Variants in SDK1 observed in about 807,000 individuals in gnomAD.
SDK1 encodes the protein sidekick cell adhesion molecule 1, also known as protein sidekick-1.
Under a neutral mutation model 245.5 loss-of-function variants are expected in SDK1, and 157 were observed. The observed-to-expected ratio is 0.64, with a 90% CI of 0.56 to 0.73. SDK1 has a LOEUF of 0.73. Ranked by LOEUF, SDK1 falls within the 30% of genes least tolerant of loss-of-function variation. The pLI, the probability that SDK1 is intolerant of heterozygous loss-of-function variation, is 0.00. For missense variants in SDK1, 3,583 were observed against 3,002.3 expected (o/e 1.19, Z -4.52); for synonymous variants, 1,647 against 1,278.5 (o/e 1.29, Z -6.15).
intron 1 of SDK1, among the ~76,000 whole-genome samples, chr7:3,505,552 A>G (rs1003610868): frequency 3.1e-4 from 47 of 152,148 alleles, no homozygotes; most frequent in African/African-American, 1.0e-3. Flanking sequence ...CACTTGGCTT[A>G]TTGTTTATCT....
chr7:3,592,105 A>G (rs542166013), intron 1 of SDK1, among the ~76,000 whole-genome samples: 2 of 152,312 alleles, frequency 1.3e-5, no homozygotes, highest in East Asian at 3.9e-4. Flanking sequence ...TGGAGGAAGT[A>G]TTTCAACCTG....
At chr7:3,317,614 C>T (rs1269822482) in intron 1 of SDK1, among the ~76,000 whole-genome samples, 1 of 152,088 alleles carries the variant, frequency 6.6e-6, no homozygotes, top group Admixed American at 6.5e-5. Flanking sequence ...TTTTTCCTTC[C>T]CTACCTGTAT....
intron 1 of SDK1, among the ~76,000 whole-genome samples, chr7:3,366,347 CCTTT>C (rs1286896269): frequency 6.6e-6 from 1 of 151,800 alleles, no homozygotes; most frequent in Non-Finnish European, 1.5e-5. Context: ...CTGGTCTCCT[CCTTT>C]CTTTTTTTTT....
intron 1 of SDK1, among the ~76,000 whole-genome samples, chr7:3,309,542 T>TTTTTTTTTTTA (rs1554256117): frequency 6.1e-5 from 9 of 148,656 alleles, no homozygotes; most frequent in Admixed American, 1.3e-4. Context: ...TTTTTTTTTT[T>TTTTTTTTTTTA]ACATGAGTGT....
intron 1 of SDK1, among the ~76,000 whole-genome samples, chr7:3,360,802 C>T (rs1018714914): frequency 3.6e-4 from 55 of 152,118 alleles, no homozygotes; most frequent in African/African-American, 1.3e-3. Context: ...GAAGACTCCA[C>T]TCTGTTATGT....
In SDK1 at chr7:3,967,565, A is replaced by C. The variant is rs983330151; in HGVS notation, c.1546+131A>C. 1.4e-5 allele frequency: 9 copies of C among 657,176 alleles called. No homozygotes were observed. In the African/African-American group the frequency reaches 1.6e-4, roughly 12 times the overall value. The allele number at this position is 657,176 out of a possible 1,614,324, so 40.7% of individuals were successfully genotyped here. A position where few individuals can be genotyped will look rare whatever the true frequency, so the allele number is the denominator to read the frequency against. ...ACTCAATGAAGATTAAATAACTCTT[A>C]TTGCAGCAGTCCCCAACCTTTTTGG... is the stretch of plus-strand genomic sequence containing the variant. On this transcript the variant is annotated intron_variant, in intron 10 of 44. Coordinates refer to ENST00000404826, the MANE Select transcript of SDK1 (RefSeq NM_152744.4).
At chr7:4,075,621 T>G (rs1190458601) in intron 20 of SDK1, among the ~76,000 whole-genome samples, 1 of 151,946 alleles carries the variant, frequency 6.6e-6, no homozygotes, top group African/African-American at 2.4e-5. Context: ...CCACGCGGGT[T>G]GATTGATTCA....
Position 4,067,858 on chromosome 7 carries a change from C to G in SDK1, c.2932C>G (p.Leu978Val). ...QEDKPGAVGH[L>V]SFTEILDTSL... ...GGTAGAACCAGGAGCTGTGGGACAT[C>G]TGAGTTTCACAGAGATCTTGGACAC... Residue 978 changes from leucine to valine, a missense_variant, in exon 20 of 45, where the codon CTG (leucine) becomes GTG (valine). Leu to Val is a conservative substitution (Grantham distance 32). Coordinates refer to ENST00000404826, the MANE Select transcript of SDK1 (RefSeq NM_152744.4). 3 of 1,613,030 alleles carry G rather than the reference C, an allele frequency of 1.9e-6. No individual in the cohort carries two copies. The highest frequency in any genetic ancestry group is 2.5e-6 in the Non-Finnish European group (3 of 1,179,606).
intron 5 of SDK1, among the ~76,000 whole-genome samples, chr7:3,913,340 C>T (rs1779250576): frequency 6.7e-6 from 1 of 148,662 alleles, no homozygotes; most frequent in Non-Finnish European, 1.5e-5. Context: ...GTCACCCAGG[C>T]TGGAGTGCAG....
At chr7:4,245,979 C>A (rs144579299) in intron 44 of SDK1, among the ~76,000 whole-genome samples, 174 bp downstream of exon 44, 33 of 152,310 alleles carry the variant, frequency 2.2e-4, no homozygotes, top group African/African-American at 7.2e-4. Flanking sequence ...TTCAACCCCA[C>A]GGCCTGCTCT....
intron 3 of SDK1, 45 bp from the exon 4 acceptor site, chr7:3,641,913 C>A (rs780968935): frequency 8.9e-6 from 14 of 1,567,918 alleles, no homozygotes; most frequent in East Asian, 2.3e-5. Flanking sequence ...TTCCCTCCCC[C>A]AAAAATGTTT....
rs563367184 is a variant in SDK1, at chr7:3,479,127, C to A, written c.299-139953C>A. ...ATGTTTCACATTTGCATAAGCATAT[C>A]TATTGTTCAGGCTGGGTGTGGCAGC... On this transcript the variant is annotated intron_variant, in intron 1 of 44. Coordinates refer to ENST00000404826, the MANE Select transcript of SDK1 (RefSeq NM_152744.4). 5.2e-4 allele frequency among the ~76,000 whole-genome samples: 79 copies of A among 152,204 alleles called. 4 individuals are homozygous for A. In the South Asian group the frequency reaches 0.015, roughly 29 times the overall value.
At chr7:4,139,527 G>A (rs13311105) in intron 28 of SDK1, among the ~76,000 whole-genome samples, 106 of 5,472 alleles carry the variant, frequency 0.019, 5 homozygotes, top group South Asian at 0.055. Flanking sequence ...GTGTGTGTAT[G>A]TGTGTGTGTA....
Position 3,301,859 on chromosome 7 carries a change from G to A in SDK1, c.273G>A (p.Leu91=). 2 of 1,135,700 alleles carry A rather than the reference G, an allele frequency of 1.8e-6. No homozygotes were observed. The highest frequency in any genetic ancestry group is 1.1e-6 in the Non-Finnish European group (1 of 927,030). The allele number at this position is 1,135,700 out of a possible 1,614,324, so 70.4% of individuals were successfully genotyped here. ...GGTGGGCGCTGCTGGCGCTGCAGCT[G>A]CACTTGCTCCGGGCGCTGGCGCAAG... is the stretch of plus-strand genomic sequence containing the variant. ...RGWWALLALQ[L]HLLRALAQDD... Residue 91 remains leucine, a synonymous_variant, in exon 1 of 45, where the codon CTG becomes CTA. Coordinates refer to ENST00000404826, the MANE Select transcript of SDK1 (RefSeq NM_152744.4).
At chr7:3,867,613 C>T (rs544989872) in intron 5 of SDK1, among the ~76,000 whole-genome samples, 1 of 152,258 alleles carries the variant, frequency 6.6e-6, no homozygotes, top group African/African-American at 2.4e-5. Context: ...GTGAGACTTA[C>T]TCACTATCAC....
rs143480153 is a variant in SDK1 at position 3,785,092 on chromosome 7, G to T, written c.714-36358G>T. 1.2e-3 allele frequency among the ~76,000 whole-genome samples: 179 copies of T among 152,284 alleles called. 1 individual carries two copies. Among genetic ancestry groups the T allele is most frequent in the African/African-American group, 4.1e-3 (171 of 41,560 alleles). On this transcript the variant is annotated intron_variant, in intron 4 of 44. Coordinates refer to ENST00000404826, the MANE Select transcript of SDK1 (RefSeq NM_152744.4). ...TCAGAGAGCGTTATCCTCAGTGAAA[G>T]AAGCCAGGCACAGAAAGACAAATAT...
chr7:3,580,962 C>A (rs1224059838), intron 1 of SDK1, among the ~76,000 whole-genome samples: 3 of 95,704 alleles, frequency 3.1e-5, no homozygotes, highest in South Asian at 8.7e-4. Flanking sequence ...GGGCAAGACT[C>A]CATCTCAAAA....
Position 4,079,730 on chromosome 7 carries a change from C to G in SDK1, c.3324+146C>G, listed in dbSNP as rs148692257. 164 of 1,145,062 alleles carry G rather than the reference C, an allele frequency of 1.4e-4. 1 individual carries two copies. In the East Asian group the frequency reaches 3.8e-3, roughly 27 times the overall value. 70.9% of individuals were successfully genotyped at this position (1,145,062 alleles called of 1,614,324 possible). On this transcript the variant is annotated intron_variant, in intron 22 of 44. Transcript: ENST00000404826. ...GGAGAACCAGGGGCTGGAGATAGCC[C>G]AGATACCAGGGCAGAATGTAGGAAG...
intron 1 of SDK1, among the ~76,000 whole-genome samples, chr7:3,467,127 T>A (rs1781031698): frequency 1.3e-5 from 2 of 152,082 alleles, no homozygotes; most frequent in Non-Finnish European, 2.9e-5. Flanking sequence ...TATTTTATAC[T>A]TCTTTATACT....
Sources: gnomAD v4.1 joint callset for allele counts (sites outside exome capture counted in the v4.1 genomes callset) on GRCh38, gnomAD v4.1.1 for gene constraint, MANE v1.5 for transcripts, NCBI Gene and HGNC (gene_info 2026-07-23, HGNC 2026-07-21) for gene names.